CYSLTR1: variants seen among roughly 807,000 people sequenced by gnomAD.
CYSLTR1 encodes cysteinyl leukotriene receptor 1.
In CYSLTR1, 1 loss-of-function variant was observed where a neutral mutation model predicts 2.1. The observed-to-expected ratio is 0.48, with a 90% confidence interval of 0.17 to 2.28. The LOEUF (loss-of-function observed/expected upper bound fraction) is 2.28. CYSLTR1 is among the 30% of genes most tolerant of loss of function. The probability of loss-of-function intolerance (pLI) is 0.26; values close to 1 mark genes in which losing one functional copy is unlikely to be tolerated. For synonymous variants in CYSLTR1, 110 were observed against 89.6 expected (o/e 1.23, Z -1.28); for missense variants, 299 against 250.1 (o/e 1.20, Z -1.32).
At chrX:78,314,415 C>T (rs1276499046) in intron 1 of CYSLTR1, among the ~76,000 whole-genome samples, 1 of 111,696 alleles carries the variant, frequency 9.0e-6, no homozygotes, top group Non-Finnish European at 1.9e-5. Context: ...AGGTATGTCA[C>T]TTTAACAACT....
At chrX:78,315,807 G>A (rs753712335) in intron 1 of CYSLTR1, among the ~76,000 whole-genome samples, 1 of 112,222 alleles carries the variant, frequency 8.9e-6, no homozygotes, top group Non-Finnish European at 1.9e-5. Context: ...CGGCACCACA[G>A]GACCCACCCA....
At chrX:78,274,211 A>T (rs1921460500) in intron 2 of CYSLTR1, among the ~76,000 whole-genome samples, 2 of 111,633 alleles carry the variant, frequency 1.8e-5, no homozygotes, top group Non-Finnish European at 3.8e-5. Context: ...AGATAATAAA[A>T]TCTGGATGAA....
intron 1 of CYSLTR1, among the ~76,000 whole-genome samples, chrX:78,295,889 T>A (rs1285400754): frequency 2.7e-5 from 3 of 111,485 alleles, no homozygotes; most frequent in Non-Finnish European, 5.7e-5. Flanking sequence ...ATGTAGAAGA[T>A]TTTTAACTTG....
chrX:78,308,150 C>T (rs1484653754), intron 1 of CYSLTR1, among the ~76,000 whole-genome samples: 1 of 111,124 alleles, frequency 9.0e-6, no homozygotes, highest in African/African-American at 3.3e-5. Flanking sequence ...CTTATTTCCC[C>T]AAGTGTTGCA....
In CYSLTR1 at chrX:78,300,647, C is replaced by T. The variant is rs565194410; in HGVS notation, c.-114-17107G>A. On this transcript the variant is annotated intron_variant, in intron 1 of 2. Transcript: ENST00000373304. ...CCAAACAAACAGTGATATAGTTTGG[C>T]TGTGTTGCCACCCAAATCTCATCTT... 2.7e-5 allele frequency among the ~76,000 whole-genome samples: 3 copies of T among 112,785 alleles called. No homozygotes were observed. In the South Asian group the frequency reaches 1.1e-3, roughly 41 times the overall value.
rs779774705 is a variant in CYSLTR1 at position 78,312,537 on chromosome X, A to G, written c.-115+14768T>C. 7.1e-4 allele frequency among the ~76,000 whole-genome samples: 80 copies of G among 112,343 alleles called. 1 individual carries two copies. The highest frequency in any genetic ancestry group is 9.4e-4 in the Non-Finnish European group (50 of 53,244). On this transcript the variant is annotated intron_variant, in intron 1 of 2. Transcript: ENST00000373304. ...GAAATTACCAACAAAGTAAATATACAGCTTACAGAATGGGAGAAAATATTT... is the reference window on the plus strand; with the variant it reads ...GAAATTACCAACAAAGTAAATATACGGCTTACAGAATGGGAGAAAATATTT...
chrX:78,310,725 C>T (rs2147270655), intron 1 of CYSLTR1, among the ~76,000 whole-genome samples: 1 of 111,451 alleles, frequency 9.0e-6, no homozygotes, highest in African/African-American at 3.3e-5. Context: ...AAGGGTGGGG[C>T]ATATGGGGAA....
At chrX:78,311,566 G>A (rs1430000452) in intron 1 of CYSLTR1, among the ~76,000 whole-genome samples, 2 of 111,559 alleles carry the variant, frequency 1.8e-5, no homozygotes, top group Non-Finnish European at 3.8e-5. Flanking sequence ...TGCTGCTGCT[G>A]ATTATATACA....
Position 78,272,849 on chromosome X carries a change from C to T in CYSLTR1, c.898G>A (p.Gly300Ser). The change falls in exon 3 of 3, where the codon GGT becomes AGT. Residue 300 changes from glycine to serine, a missense_variant. Transcript: ENST00000373304. The stretch of plus-strand genomic sequence containing the variant: ...GTAGACAGCCTTTTCCTAAAGTTAC[C>T]CCCAGAAAAGAAATATAGGAGAGGG... Reference protein sequence around the residue: ...FDPLLYFFSGGNFRKRLSTFR... With the variant: ...FDPLLYFFSGSNFRKRLSTFR... 2 of 1,210,518 alleles carry T rather than the reference C, an allele frequency of 1.7e-6. No individual in the cohort carries two copies. The highest frequency in any genetic ancestry group is 1.8e-5 in the South Asian group (1 of 56,903).
chrX:78,282,668 A>T (rs1227868178), intron 2 of CYSLTR1, among the ~76,000 whole-genome samples: 1 of 111,758 alleles, frequency 8.9e-6, no homozygotes, highest in East Asian at 2.8e-4. Flanking sequence ...CAAGAGGCTG[A>T]GGCAGGAGGA....
chrX:78,318,171 G>A (rs1395979939), intron 1 of CYSLTR1, among the ~76,000 whole-genome samples: 2 of 112,098 alleles, frequency 1.8e-5, no homozygotes, highest in African/African-American at 6.5e-5. Context: ...TAAAGAAAAT[G>A]TGTCACATAT....
At chrX:78,294,955 G>A (rs1338438582) in intron 1 of CYSLTR1, among the ~76,000 whole-genome samples, 1 of 112,320 alleles carries the variant, frequency 8.9e-6, no homozygotes, top group Non-Finnish European at 1.9e-5. Flanking sequence ...GTGACAACCC[G>A]CCCCACTTCG....
intron 1 of CYSLTR1, among the ~76,000 whole-genome samples, chrX:78,314,791 C>T (rs950539887): frequency 2.7e-5 from 3 of 109,692 alleles, no homozygotes; most frequent in Non-Finnish European, 3.8e-5. Context: ...TGCCTTGCCA[C>T]CAGGGGTAAA....
chrX:78,312,921 CTT>C (rs771305168), intron 1 of CYSLTR1, among the ~76,000 whole-genome samples: 2 of 111,898 alleles, frequency 1.8e-5, no homozygotes, highest in Non-Finnish European at 3.8e-5. Context: ...TGTTGAAAAA[CTT>C]TAAATGGAAC....
chrX:78,315,733 G>T (rs1489105804), intron 1 of CYSLTR1, among the ~76,000 whole-genome samples: 1 of 112,183 alleles, frequency 8.9e-6, no homozygotes, highest in East Asian at 2.8e-4. Context: ...GCCAACTCAG[G>T]TGCAGTGCAA....
chrX:78,325,477 T>C (rs753360831), intron 1 of CYSLTR1, among the ~76,000 whole-genome samples: 2 of 112,477 alleles, frequency 1.8e-5, no homozygotes, highest in South Asian at 7.4e-4. Context: ...TTAGAAAATA[T>C]TCCTATCAGC....
chrX:78,319,826 C>A (rs1923569108), intron 1 of CYSLTR1: 1 of 111,924 alleles, frequency 8.9e-6, no homozygotes, highest in Non-Finnish European at 1.9e-5. Flanking sequence ...GAGATGGTAT[C>A]TCATTGTGGT....
chrX:78,286,414 T>A (rs1398717625), intron 1 of CYSLTR1, among the ~76,000 whole-genome samples: 1 of 112,291 alleles, frequency 8.9e-6, no homozygotes, highest in African/African-American at 3.2e-5. Flanking sequence ...CAAACATTTA[T>A]GTACAAGTCT....
intron 1 of CYSLTR1, among the ~76,000 whole-genome samples, chrX:78,291,868 G>A (rs1435853414): frequency 1.9e-5 from 2 of 103,051 alleles, no homozygotes; most frequent in South Asian, 4.4e-4. Context: ...TTCTTTATTA[G>A]TCTTGCTAGC....
Sources: gnomAD v4.1 joint callset for allele counts (sites outside exome capture counted in the v4.1 genomes callset) on GRCh38, gnomAD v4.1.1 for gene constraint, MANE v1.5 for transcripts, NCBI Gene and HGNC (gene_info 2026-07-23, HGNC 2026-07-21) for gene names.